Variants in AP3B1 observed in about 807,000 individuals in gnomAD.
AP3B1 encodes adaptor related protein complex 3 subunit beta 1.
A neutral mutation model predicts 132.5 loss-of-function variants in AP3B1; 61 were observed. The ratio of observed to expected loss-of-function variants is 0.46; its 90% CI spans 0.37 to 0.57. The LOEUF (loss-of-function observed/expected upper bound fraction) is 0.57, where lower values mean the gene tolerates loss of function less well. AP3B1 is among the 20% of genes least tolerant of loss of function. The pLI is 0.00. For synonymous variants in AP3B1, 388 were observed against 438.3 expected, an observed-to-expected ratio of 0.89 and a Z score of 1.43; for missense variants, 1,120 against 1,289.4, an observed-to-expected ratio of 0.87 and a Z score of 2.01.
At chr5:78,204,168 G>C (rs1745410646) in intron 7 of AP3B1, among the ~76,000 whole-genome samples, 1 of 152,082 alleles carries the variant, frequency 6.6e-6, no homozygotes, top group Non-Finnish European at 1.5e-5. Context: ...CTAAAAACTA[G>C]ACATTTTGAA....
chr5:78,232,831 C>A (rs994470250), intron 3 of AP3B1, among the ~76,000 whole-genome samples: 1 of 151,920 alleles, frequency 6.6e-6, no homozygotes, highest in African/African-American at 2.4e-5. Flanking sequence ...CTCAGCCTCC[C>A]GAAAAGTTGG....
intron 22 of AP3B1, among the ~76,000 whole-genome samples, chr5:78,057,918 T>C (rs906507159): frequency 3.3e-5 from 5 of 152,176 alleles, no homozygotes; most frequent in Non-Finnish European, 7.3e-5. Flanking sequence ...AACAAAGTGC[T>C]AAGCCTAGAT....
chr5:78,117,251 T>C (rs1225614012), intron 17 of AP3B1, among the ~76,000 whole-genome samples: 1 of 151,680 alleles, frequency 6.6e-6, no homozygotes, highest in East Asian at 1.9e-4. Context: ...TTTTAACTGT[T>C]GGTCTATCCC....
intron 7 of AP3B1, among the ~76,000 whole-genome samples, chr5:78,192,263 G>A (rs1253541791): frequency 6.6e-6 from 1 of 151,860 alleles, no homozygotes; most frequent in Non-Finnish European, 1.5e-5. Flanking sequence ...GCAAAAATAG[G>A]GAATCTAGAA....
intron 15 of AP3B1, among the ~76,000 whole-genome samples, chr5:78,137,466 C>A (rs1044414825): frequency 3.3e-5 from 5 of 152,160 alleles, no homozygotes; most frequent in Admixed American, 6.5e-5. Flanking sequence ...GAACTCTCTT[C>A]TCTACTTCCT....
intron 22 of AP3B1, among the ~76,000 whole-genome samples, chr5:78,079,893 G>A (rs917914848): frequency 5.3e-5 from 8 of 152,110 alleles, no homozygotes; most frequent in African/African-American, 1.9e-4. Context: ...TTTGGTGTTC[G>A]CCAGTTGCAA....
In AP3B1 at chr5:78,177,354, A is replaced by G. The variant is rs1006282873; in HGVS notation, c.1025T>C (p.Leu342Ser). The G allele has an allele frequency of 3.7e-6, 6 of 1,613,268 alleles. No homozygotes were observed. The highest frequency in any genetic ancestry group is 5.1e-6 in the Non-Finnish European group (6 of 1,179,218). ...AGIISKSLVR[L>S]LRSNREVQYI... is the part of the protein sequence containing the mutation. ...CATGACCTACCTATTGCTACGAAGT[A>G]AACGCACTAGTGATTTAGAAATTAT... The change falls in exon 9 of 27, where the codon TTA becomes TCA. Residue 342 changes from leucine (L) to serine (S), a missense_variant. By Grantham distance (145) the Leu-to-Ser change is moderately radical. This residue lies in a region of AP3B1 where 906 missense variants were observed against 997.1 expected (regional missense o/e 0.91). Coordinates refer to ENST00000255194, the MANE Select transcript of AP3B1 (RefSeq NM_003664.5).
At chr5:78,231,312 T>G (rs953605288) in intron 3 of AP3B1, among the ~76,000 whole-genome samples, 1 of 151,936 alleles carries the variant, frequency 6.6e-6, no homozygotes, top group African/African-American at 2.4e-5. Flanking sequence ...TAGCTGGGAT[T>G]ACAGGCACGC....
intron 22 of AP3B1, among the ~76,000 whole-genome samples, chr5:78,082,205 C>A (rs1265564603): frequency 1.3e-5 from 2 of 152,004 alleles, no homozygotes; most frequent in Non-Finnish European, 2.9e-5. Context: ...TATTACTGAA[C>A]ATAAAGGCCT....
At chr5:78,185,433 G>A (rs1744564991) in intron 7 of AP3B1, among the ~76,000 whole-genome samples, 2 of 152,142 alleles carry the variant, frequency 1.3e-5, no homozygotes, top group Admixed American at 6.6e-5. Context: ...TTTATAAAGT[G>A]GAGAGAAAAA....
intron 21 of AP3B1, among the ~76,000 whole-genome samples, chr5:78,096,828 C>CGGGA (rs892372605): frequency 6.6e-6 from 1 of 151,286 alleles, no homozygotes; most frequent in Non-Finnish European, 1.5e-5. Context: ...CCGCCCCGTC[C>CGGGA]GGGAGGGAGG....
intron 22 of AP3B1, among the ~76,000 whole-genome samples, chr5:78,081,246 T>C (rs1249652289): frequency 6.6e-6 from 1 of 152,034 alleles, no homozygotes; most frequent in African/African-American, 2.4e-5. Flanking sequence ...AGAGACATAC[T>C]TGGATGCAAG....
At chr5:78,134,931 C>T (rs148371797) in intron 15 of AP3B1, among the ~76,000 whole-genome samples, 39 of 152,230 alleles carry the variant, frequency 2.6e-4, no homozygotes, top group African/African-American at 7.7e-4. Context: ...ACCTTTTTGT[C>T]AACTTGAAAA....
chr5:78,097,049 C>T (rs1183756854), intron 21 of AP3B1, among the ~76,000 whole-genome samples: 1 of 123,998 alleles, frequency 8.1e-6, no homozygotes, highest in Non-Finnish European at 1.7e-5. Context: ...CCGCCCCGTC[C>T]GGGAGGGAGG....
chr5:78,189,660 A>G (rs1296023390), intron 7 of AP3B1, among the ~76,000 whole-genome samples: 1 of 152,022 alleles, frequency 6.6e-6, no homozygotes, highest in Non-Finnish European at 1.5e-5. Flanking sequence ...ACCTGAGGTC[A>G]CGAGTTCAAG....
intron 24 of AP3B1, among the ~76,000 whole-genome samples, chr5:78,021,540 A>T (rs902956793): frequency 5.3e-5 from 8 of 152,308 alleles, no homozygotes; most frequent in Non-Finnish European, 7.4e-5. Context: ...GTTTAGGGGT[A>T]GGTTGATGAG....
chr5:78,154,004 T>C (rs1306580193), intron 14 of AP3B1, among the ~76,000 whole-genome samples: 1 of 152,180 alleles, frequency 6.6e-6, no homozygotes, highest in Non-Finnish European at 1.5e-5. Flanking sequence ...AGTGTTACAA[T>C]ATTCTGCTTT....
chr5:78,187,569 CA>C (rs1744653159), intron 7 of AP3B1, among the ~76,000 whole-genome samples: 1 of 151,976 alleles, frequency 6.6e-6, no homozygotes, highest in Non-Finnish European at 1.5e-5. Flanking sequence ...AACCACTGCT[CA>C]AGGAAATCAA....
intron 2 of AP3B1, among the ~76,000 whole-genome samples, chr5:78,267,201 G>A (rs1748357911): frequency 6.6e-6 from 1 of 152,004 alleles, no homozygotes; most frequent in Non-Finnish European, 1.5e-5. Flanking sequence ...TGTGTAGGAA[G>A]TCAAAATAGC....
Sources: gnomAD v4.1 joint callset for allele counts (sites outside exome capture counted in the v4.1 genomes callset) on GRCh38, gnomAD v4.1.1 for gene constraint, gnomAD v4.1.1 regional missense constraint, MANE v1.5 for transcripts, NCBI Gene and HGNC (gene_info 2026-07-23, HGNC 2026-07-21) for gene names.